Variants in OPCML observed in about 807,000 individuals in gnomAD.
OPCML encodes the protein opioid-binding protein/cell adhesion molecule.
In OPCML, 13 loss-of-function variants were observed where a neutral mutation model predicts 37.8. The observed-to-expected ratio is 0.34, with a 90% CI of 0.22 to 0.55. The LOEUF (loss-of-function observed/expected upper bound fraction) is 0.55. Among genes scored for constraint, OPCML ranks in the 20% least tolerant of loss-of-function variants. OPCML has a pLI of 0.91. For synonymous variants in OPCML, 176 were observed against 168.8 expected, an observed-to-expected ratio of 1.04 and a Z score of -0.33; for missense variants, 341 against 435.6, an observed-to-expected ratio of 0.78 and a Z score of 1.93.
intron 3 of OPCML, among the ~76,000 whole-genome samples, chr11:132,560,008 T>A (rs971353129): frequency 2.0e-5 from 3 of 152,182 alleles, no homozygotes; most frequent in Non-Finnish European, 2.9e-5. Context: ...GAGTAAAAAA[T>A]TTATGTGAAC....
chr11:133,330,224 T>A (rs1370574450), intron 1 of OPCML, among the ~76,000 whole-genome samples: 1 of 152,122 alleles, frequency 6.6e-6, no homozygotes, highest in Non-Finnish European at 1.5e-5. Context: ...AGGAACACTT[T>A]TACACTGTTG....
At chr11:133,207,305 C>CAAAA (rs776040297) in intron 1 of OPCML, among the ~76,000 whole-genome samples, 15 of 151,882 alleles carry the variant, frequency 9.9e-5, no homozygotes, top group Middle Eastern at 3.4e-3. Context: ...ATCTCAAAAA[C>CAAAA]AAAAAACAAA....
At chr11:133,395,666 T>C (rs1945270107) in intron 1 of OPCML, among the ~76,000 whole-genome samples, 1 of 152,194 alleles carries the variant, frequency 6.6e-6, no homozygotes, top group African/African-American at 2.4e-5. Context: ...TATATTCTTG[T>C]CACCTTTGTC....
At position 132,919,830 on chromosome 11, in the gene OPCML, G is replaced by A. The variant is rs147661720; in HGVS notation, c.146+23096C>T. On this transcript the variant is annotated intron_variant, in intron 2 of 7. Transcript: ENST00000524381. ...GACAGGAGCTCAAAGAACATTTGTAGAAAGAATGACACAGGAAGTGAGTGA... is the reference window on the plus strand; with the variant it reads ...GACAGGAGCTCAAAGAACATTTGTAAAAAGAATGACACAGGAAGTGAGTGA... Among the ~76,000 whole-genome samples the A allele has an allele frequency of 1.4e-4, 22 of 152,336 alleles. No individual in the cohort carries two copies. In the East Asian group the frequency reaches 4.3e-3, roughly 29 times the overall value.
At chr11:132,743,784 C>T (rs1181465493) in intron 2 of OPCML, among the ~76,000 whole-genome samples, 3 of 152,304 alleles carry the variant, frequency 2.0e-5, no homozygotes, top group Middle Eastern at 3.4e-3. Context: ...CCTCCATGTT[C>T]ATGTGAAAAG....
Position 132,495,446 on chromosome 11 carries a change from A to G in OPCML, c.505+33615T>C, listed in dbSNP as rs1045934853. On this transcript the variant is annotated intron_variant, in intron 4 of 7. Transcript: ENST00000524381. ...AGTGAAGGTTTAATCCAAGAACTAC[A>G]TCAAATTATAATATATGCCCATCAG... Among the ~76,000 whole-genome samples the G allele has an allele frequency of 3.3e-5, 5 of 152,226 alleles. No homozygotes were observed. In the East Asian group the frequency reaches 9.6e-4, roughly 29 times the overall value.
intron 1 of OPCML, among the ~76,000 whole-genome samples, chr11:133,042,343 C>T (rs1947918802): frequency 6.6e-6 from 1 of 152,182 alleles, no homozygotes; most frequent in South Asian, 2.1e-4. Flanking sequence ...ACACGCTGCC[C>T]TCATGCATGG....
intron 2 of OPCML, among the ~76,000 whole-genome samples, chr11:132,754,932 G>T (rs1006818835): frequency 1.1e-4 from 16 of 152,186 alleles, no homozygotes; most frequent in Middle Eastern, 3.2e-3. Flanking sequence ...GGGAGGGAAA[G>T]AAATCTGCTG....
At chr11:132,868,053 C>T (rs1326077835) in intron 2 of OPCML, among the ~76,000 whole-genome samples, 5 of 152,092 alleles carry the variant, frequency 3.3e-5, no homozygotes, top group Non-Finnish European at 1.5e-5. Flanking sequence ...GTGAAAGGTA[C>T]TCTGAGAGCG....
At chr11:133,283,313 G>C (rs1942211139) in intron 1 of OPCML, among the ~76,000 whole-genome samples, 1 of 152,060 alleles carries the variant, frequency 6.6e-6, no homozygotes, top group South Asian at 2.1e-4. Flanking sequence ...GAATGATAAT[G>C]AGTTGTCTAC....
chr11:132,570,478 A>C (rs893228238), intron 3 of OPCML, among the ~76,000 whole-genome samples: 4 of 152,024 alleles, frequency 2.6e-5, no homozygotes, highest in Non-Finnish European at 2.9e-5. Context: ...TCTTTAATGC[A>C]ATTATTAAAT....
intron 4 of OPCML, among the ~76,000 whole-genome samples, chr11:132,446,384 T>C (rs2096055264): frequency 6.6e-6 from 1 of 151,626 alleles, no homozygotes; most frequent in Admixed American, 6.6e-5. Flanking sequence ...TGCAAAACAC[T>C]AGAATTCCAT....
chr11:133,038,660 A>G (rs1947828850), intron 1 of OPCML, among the ~76,000 whole-genome samples: 1 of 152,174 alleles, frequency 6.6e-6, no homozygotes, highest in African/African-American at 2.4e-5. Flanking sequence ...GAGGTTAAGT[A>G]CATATCCCAA....
At chr11:132,552,372 T>C (rs573075149) in intron 3 of OPCML, among the ~76,000 whole-genome samples, 1 of 152,332 alleles carries the variant, frequency 6.6e-6, no homozygotes, top group South Asian at 2.1e-4. Context: ...AAAATGTTCT[T>C]CCTTTATGGA....
rs569755072 is a variant in OPCML at position 133,063,932 on chromosome 11, T to C, written c.62-120922A>G. ...TGAATTGAGAACGATTTCATGGGTGTTTTTGTGAAACGGGCTAGCTGTCAG... is the reference window on the plus strand; with the variant it reads ...TGAATTGAGAACGATTTCATGGGTGCTTTTGTGAAACGGGCTAGCTGTCAG... On this transcript the variant is annotated intron_variant, in intron 1 of 7. Coordinates refer to ENST00000524381, the MANE Select transcript of OPCML (RefSeq NM_001012393.5). Among the ~76,000 whole-genome samples the C allele has an allele frequency of 9.8e-5, 15 of 152,312 alleles. No individual in the cohort carries two copies. The South Asian group carries it at 3.1e-3, about 32-fold the overall frequency.
intron 1 of OPCML, among the ~76,000 whole-genome samples, chr11:133,076,738 C>T (rs1193827188): frequency 6.6e-6 from 1 of 151,744 alleles, no homozygotes; most frequent in African/African-American, 2.4e-5. Context: ...CATGAAGATG[C>T]GGAAGCTCAG....
intron 1 of OPCML, among the ~76,000 whole-genome samples, chr11:133,399,511 C>T (rs1050496653): frequency 2.0e-5 from 3 of 152,198 alleles, no homozygotes; most frequent in Non-Finnish European, 2.9e-5. Context: ...CTGCCACCCT[C>T]TCACAGTGCA....
At chr11:133,474,763 T>C (rs1031060258) in intron 1 of OPCML, among the ~76,000 whole-genome samples, 1 of 152,094 alleles carries the variant, frequency 6.6e-6, no homozygotes, top group Non-Finnish European at 1.5e-5. Flanking sequence ...ATTCTTTGCA[T>C]GAAAAGACAG....
intron 1 of OPCML, among the ~76,000 whole-genome samples, chr11:133,011,916 C>G (rs1020701567): frequency 6.6e-6 from 1 of 152,106 alleles, no homozygotes; most frequent in Non-Finnish European, 1.5e-5. Flanking sequence ...GCTAGTGCTG[C>G]CATTGTAGGT....
Sources: allele counts gnomAD v4.1 joint callset (sites outside exome capture counted in the v4.1 genomes callset), GRCh38; gene constraint gnomAD v4.1.1; transcripts MANE v1.5; gene names NCBI Gene and HGNC (gene_info 2026-07-23, HGNC 2026-07-21).